Variants in SH3BP4 observed in about 807,000 individuals in gnomAD.
SH3BP4 encodes the protein SH3 domain-binding protein 4.
SH3BP4 carries 33 observed loss-of-function variants against 65.5 expected under a neutral mutation model. The observed-to-expected ratio is 0.50, with a 90% CI of 0.38 to 0.67. The LOEUF (loss-of-function observed/expected upper bound fraction) is 0.67. Among genes scored for constraint, SH3BP4 ranks in the 30% least tolerant of loss-of-function variants. The pLI is 0.00. For synonymous variants in SH3BP4, 552 were observed against 545.5 expected, an observed-to-expected ratio of 1.01 and a Z score of -0.17; for missense variants, 1,134 against 1,261.4, an observed-to-expected ratio of 0.90 and a Z score of 1.53.
At position 235,007,554 on chromosome 2, in the gene SH3BP4, A is replaced by C. The variant is rs149085909; in HGVS notation, c.-133+12178A>C. On this transcript the variant is annotated intron_variant, in intron 2 of 5. Transcript: ENST00000392011. ...CCACACAAAGATGGATCCGGCCCCA[A>C]ATGTCAGCAGTGATAAGGTGGAGAA... Among the ~76,000 whole-genome samples, 16 of 152,296 alleles carry C rather than the reference A, an allele frequency of 1.1e-4. No individual in the cohort carries two copies. In the East Asian group the frequency reaches 3.1e-3, roughly 29 times the overall value.
intron 1 of SH3BP4, among the ~76,000 whole-genome samples, chr2:234,959,806 C>T (rs1238127754): frequency 6.6e-6 from 1 of 152,162 alleles, no homozygotes; most frequent in Non-Finnish European, 1.5e-5. Flanking sequence ...CGCATGCCAC[C>T]ATGCCTGGCT....
intron 2 of SH3BP4, among the ~76,000 whole-genome samples, chr2:235,000,164 C>G (rs756770986): frequency 6.6e-6 from 1 of 152,232 alleles, no homozygotes; most frequent in Non-Finnish European, 1.5e-5. Flanking sequence ...GTGGCACTCA[C>G]TTATCCTCGG....
chr2:234,986,408 G>A (rs116322702), intron 1 of SH3BP4, among the ~76,000 whole-genome samples: 3 of 152,196 alleles, frequency 2.0e-5, no homozygotes, highest in African/African-American at 7.2e-5. Context: ...ACAAACATTC[G>A]TAGTCTGATT....
Position 235,053,503 on chromosome 2 carries a change from T to G in SH3BP4, c.2668-89T>G, listed in dbSNP as rs1204271062. 8 of 949,038 alleles carry G rather than the reference T, an allele frequency of 8.4e-6. No homozygotes were observed. The East Asian group carries it at 2.0e-4, about 24-fold the overall frequency. The allele number at this position is 949,038 out of a possible 1,614,324, so 58.8% of individuals were successfully genotyped here. On this transcript the variant is annotated intron_variant, in intron 5 of 5. Transcript: ENST00000392011. ...TGTCCCAAATAGTGACTACTGAAGC[T>G]GCACCAAGTAATAGGAACAAATCTC...
chr2:235,053,550 TC>T (rs776014781), intron 5 of SH3BP4, 41 bp from the exon 6 acceptor site: 25 of 1,481,090 alleles, frequency 1.7e-5, no homozygotes, highest in Non-Finnish European at 2.4e-5. Context: ...TAATCTTTCT[TC>T]CTCTCTCCCT....
At chr2:234,973,490 G>A (rs775908233) in intron 1 of SH3BP4, among the ~76,000 whole-genome samples, 12 of 152,050 alleles carry the variant, frequency 7.9e-5, no homozygotes, top group South Asian at 2.1e-4. Flanking sequence ...TCAAGTCATC[G>A]AGGATTTGTT....
intron 4 of SH3BP4, among the ~76,000 whole-genome samples, chr2:235,051,798 A>G (rs2106345029): frequency 6.6e-6 from 1 of 152,244 alleles, no homozygotes; most frequent in East Asian, 1.9e-4. Context: ...TCAGCACCGC[A>G]CACTCAGCAG....
chr2:234,962,828 C>G (rs778299931), intron 1 of SH3BP4, among the ~76,000 whole-genome samples: 1 of 151,608 alleles, frequency 6.6e-6, no homozygotes, highest in Admixed American at 6.6e-5. Flanking sequence ...TAGGTTCAAG[C>G]GATTCTCCCG....
At position 235,045,177 on chromosome 2, in the gene SH3BP4, G is replaced by T. The variant is rs1038503645; in HGVS notation, c.2478+1930G>T. Among the ~76,000 whole-genome samples the T allele has an allele frequency of 2.0e-5, 3 of 152,164 alleles. No individual in the cohort carries two copies. Among genetic ancestry groups the T allele is most frequent in the Non-Finnish European group, 4.4e-5 (3 of 68,034 alleles). ...GGCAGACAAAGCGCCTCCATCCCGTGAGAGCCTCTGTGCGGGCGGCCCCGA... is the reference window on the plus strand; with the variant it reads ...GGCAGACAAAGCGCCTCCATCCCGTTAGAGCCTCTGTGCGGGCGGCCCCGA... On this transcript the variant is annotated intron_variant, in intron 4 of 5. Transcript: ENST00000392011. This position sits in a 1 kb window ranked among gnomAD's most constrained non-coding sequence, Gnocchi z 4.3.
rs1407364922 is a variant in SH3BP4 at position 235,034,549 on chromosome 2, T to C, written c.-132-322T>C. 6.6e-6 allele frequency among the ~76,000 whole-genome samples: 1 copy of C among 152,212 alleles called. No individual in the cohort carries two copies. The highest frequency in any genetic ancestry group is 1.5e-5 in the Non-Finnish European group (1 of 68,042). ...GTACAGTCCTGCGCTGTCCTCCTCT[T>C]TGACTGTAATGAATGGACTGGCCAG... On this transcript the variant is annotated intron_variant, in intron 2 of 5. Coordinates refer to ENST00000392011, the MANE Select transcript of SH3BP4 (RefSeq NM_014521.3). The surrounding 1 kb of genome is among the most constrained non-coding windows in gnomAD (Gnocchi z 6.2).
intron 3 of SH3BP4, among the ~76,000 whole-genome samples, chr2:235,037,478 T>C (rs1695423085): frequency 1.3e-5 from 2 of 152,236 alleles, no homozygotes; most frequent in Non-Finnish European, 2.9e-5. Context: ...ACCATTCTTA[T>C]TCTTCAGTTG....
chr2:235,022,164 G>C (rs1694862569), intron 2 of SH3BP4, among the ~76,000 whole-genome samples: 2 of 152,350 alleles, frequency 1.3e-5, no homozygotes, highest in East Asian at 1.9e-4. Flanking sequence ...AGCAAGCACA[G>C]AGTGGGGGAG....
rs576448423 is a variant in SH3BP4 at position 235,030,863 on chromosome 2, C to T, written c.-132-4008C>T. On this transcript the variant is annotated intron_variant, in intron 2 of 5. Coordinates refer to ENST00000392011, the MANE Select transcript of SH3BP4 (RefSeq NM_014521.3). This position sits in a 1 kb window ranked among gnomAD's most constrained non-coding sequence, Gnocchi z 4.1. ...TTTTGGGAGTGGAGAGCCCTCTGCA[C>T]TCAGTCCACACCAGGGCTGGCTGCC... 6.6e-6 allele frequency among the ~76,000 whole-genome samples: 1 copy of T among 152,304 alleles called. No homozygotes were observed. Among genetic ancestry groups the T allele is most frequent in the African/African-American group, 2.4e-5 (1 of 41,548 alleles).
chr2:235,052,878 C>A lies in SH3BP4; in HGVS notation c.2667+128C>A. 1 of 908,136 alleles carries A rather than the reference C, an allele frequency of 1.1e-6. No homozygotes were observed. The highest frequency in any genetic ancestry group is 1.6e-6 in the Non-Finnish European group (1 of 611,186). The allele number at this position is 908,136 out of a possible 1,614,324, so 56.3% of individuals were successfully genotyped here. A position where few individuals can be genotyped will look rare whatever the true frequency, so the allele number is the denominator to read the frequency against. On this transcript the variant is annotated intron_variant, in intron 5 of 5. Coordinates refer to ENST00000392011, the MANE Select transcript of SH3BP4 (RefSeq NM_014521.3). This position sits in a 1 kb window ranked among gnomAD's most constrained non-coding sequence, Gnocchi z 5.0. ...TGAGGGTGCAACAGGTGGAAATGTG[C>A]ACGCATGTGCCCAGCACTGGGTGTG...
At chr2:235,038,249 T>TATA (rs766333800) in intron 3 of SH3BP4, among the ~76,000 whole-genome samples, 2 of 34,426 alleles carry the variant, frequency 5.8e-5, no homozygotes, top group African/African-American at 1.6e-4. Flanking sequence ...TATATATATA[T>TATA]TATATATAAT....
At chr2:235,049,101 TGTAA>T (rs1695966391) in intron 4 of SH3BP4, among the ~76,000 whole-genome samples, 2 of 152,320 alleles carry the variant, frequency 1.3e-5, no homozygotes, top group African/African-American at 4.8e-5. Context: ...GTAAAAGTTG[TGTAA>T]GTGAGTGAGG....
chr2:235,041,916 A>G lies in SH3BP4; in HGVS notation c.1147A>G (p.Ser383Gly), dbSNP rs1695664231. 6.2e-7 allele frequency: 1 copy of G among 1,613,490 alleles called. No homozygotes were observed. The highest frequency in any genetic ancestry group is 1.7e-5 in the Admixed American group (1 of 60,004). Residue 383 changes from serine to glycine, a missense_variant, in exon 4 of 6, where the codon AGC (serine) becomes GGC (glycine). By Grantham distance (56) the Ser-to-Gly change is moderately conservative (BLOSUM62 0). Coordinates refer to ENST00000392011, the MANE Select transcript of SH3BP4 (RefSeq NM_014521.3). The surrounding 1 kb of genome is among the most constrained non-coding windows in gnomAD (Gnocchi z 6.0). ...CAGCCCTGTGCTGGAGGTCAAGCTG[A>G]GCAACCTGGAGGTGAAAACCTCTAT... ...SISPVLEVKL[S>G]NLEVKTSIIL...
intron 2 of SH3BP4, among the ~76,000 whole-genome samples, chr2:235,032,051 G>T (rs1308334482): frequency 6.6e-6 from 1 of 152,228 alleles, no homozygotes; most frequent in African/African-American, 2.4e-5. Flanking sequence ...CGAGGTGGCC[G>T]AGGCAACCCT....
At position 234,955,413 on chromosome 2, in the gene SH3BP4, A is replaced by G. The variant is rs114712804; in HGVS notation, c.-207+3243A>G. 7.4e-3 allele frequency among the ~76,000 whole-genome samples: 1,134 copies of G among 152,252 alleles called. 12 individuals are homozygous for G. The highest frequency in any genetic ancestry group is 0.026 in the African/African-American group (1,089 of 41,534). On this transcript the variant is annotated intron_variant, in intron 1 of 5. Coordinates refer to ENST00000392011, the MANE Select transcript of SH3BP4 (RefSeq NM_014521.3). ...CTAGCCCCCAAATACCCAGGGAACA[A>G]TCCAGCTACTTGATTCAGTATCCTC...
Sources: allele counts gnomAD v4.1 joint callset (sites outside exome capture counted in the v4.1 genomes callset), GRCh38; gene constraint gnomAD v4.1.1; non-coding constraint Gnocchi (gnomAD v3.1); transcripts MANE v1.5; gene names NCBI Gene and HGNC (gene_info 2026-07-23, HGNC 2026-07-21).